The following UGT1A6 variants were observed in gnomAD, a reference collection of about 807,000 sequenced individuals.
UGT1A6 encodes the protein UDP-glucuronosyltransferase 1A6.
UGT1A6 carries 32 observed loss-of-function variants against 44.4 expected under a neutral mutation model. The ratio of observed to expected loss-of-function variants is 0.72; its 90% CI spans 0.54 to 0.97. The LOEUF (loss-of-function observed/expected upper bound fraction) is 0.97, where lower values mean the gene tolerates loss of function less well. Among genes scored for constraint, UGT1A6 ranks in the 50% least tolerant of loss-of-function variants. The pLI is 0.00. For missense variants in UGT1A6, 685 were observed against 661.9 expected (o/e 1.03, Z -0.38); for synonymous variants, 238 against 248.5 (o/e 0.96, Z 0.40).
chr2:233,747,876 T>C, intron 1 of UGT1A6: 1 of 1,613,612 alleles, frequency 6.2e-7, no homozygotes, highest in South Asian at 1.1e-5. Context: ...GGCCCTGTCC[T>C]ACCTTTGCCA....
intron 1 of UGT1A6, chr2:233,713,534 C>T (rs1306966284): frequency 6.2e-7 from 1 of 1,613,828 alleles, no homozygotes; most frequent in African/African-American, 1.3e-5. Flanking sequence ...GTGATTTAGA[C>T]TTTAAGGGCA....
chr2:233,716,641 A>C (rs1322412642), intron 1 of UGT1A6, among the ~76,000 whole-genome samples: 1 of 152,130 alleles, frequency 6.6e-6, no homozygotes, highest in Non-Finnish European at 1.5e-5. Context: ...TATCGTTTGT[A>C]CTTTTTGTAC....
chr2:233,723,050 G>T (rs1208688068), intron 1 of UGT1A6, among the ~76,000 whole-genome samples: 1 of 140,678 alleles, frequency 7.1e-6, no homozygotes, highest in African/African-American at 2.7e-5. Flanking sequence ...AGGCACACTC[G>T]GTGTAACTTT....
intron 1 of UGT1A6, among the ~76,000 whole-genome samples, chr2:233,741,289 C>T (rs1426426367): frequency 2.6e-5 from 4 of 151,770 alleles, no homozygotes; most frequent in African/African-American, 7.3e-5. Context: ...GATTTATGTA[C>T]CCAATTGTGT....
intron 1 of UGT1A6, among the ~76,000 whole-genome samples, chr2:233,704,447 T>C (rs2075789170): frequency 6.6e-6 from 1 of 152,328 alleles, no homozygotes; most frequent in African/African-American, 2.4e-5. Context: ...TGAAATGTCA[T>C]TCCTATATAG....
At chr2:233,696,174 A>G (rs1477446914) in intron 1 of UGT1A6, among the ~76,000 whole-genome samples, 1 of 152,242 alleles carries the variant, frequency 6.6e-6, no homozygotes, top group African/African-American at 2.4e-5. Flanking sequence ...AAAAATATAT[A>G]TTGAAGAGCT....
At chr2:233,696,620 T>C (rs1575459167) in intron 1 of UGT1A6, among the ~76,000 whole-genome samples, 1 of 146,384 alleles carries the variant, frequency 6.8e-6, no homozygotes, top group Non-Finnish European at 1.5e-5. Flanking sequence ...CTTTCTTTCT[T>C]TCTCTTGCTT....
chr2:233,754,621 C>T (rs773983465), intron 1 of UGT1A6: 4 of 441,750 alleles, frequency 9.1e-6, no homozygotes, highest in South Asian at 6.4e-5. Flanking sequence ...TCTTCCTCCA[C>T]TTCCACCCTT....
chr2:233,705,870 T>G (rs2075876544), intron 1 of UGT1A6, among the ~76,000 whole-genome samples: 1 of 152,102 alleles, frequency 6.6e-6, no homozygotes, highest in Non-Finnish European at 1.5e-5. Context: ...GGCAGATCAC[T>G]TGAGGCCAGG....
intron 1 of UGT1A6, among the ~76,000 whole-genome samples, chr2:233,745,546 A>G (rs1693142103): frequency 6.6e-6 from 1 of 151,692 alleles, no homozygotes. Flanking sequence ...CACCAGAACA[A>G]ACTTCTAAGT....
At chr2:233,721,730 G>T (rs1364085120) in intron 1 of UGT1A6, 2 of 416,714 alleles carry the variant, frequency 4.8e-6, no homozygotes, top group South Asian at 3.7e-5. Flanking sequence ...ACTTGGATAA[G>T]CTTAATGATG....
intron 1 of UGT1A6, among the ~76,000 whole-genome samples, chr2:233,763,564 T>C (rs1698345105): frequency 6.6e-6 from 1 of 152,236 alleles, no homozygotes; most frequent in Non-Finnish European, 1.5e-5. Context: ...AAGTTACTGT[T>C]CTTATTTTCT....
Position 233,768,265 on chromosome 2 carries a change from G to T in UGT1A6, c.1127G>T (p.Gly376Val), listed in dbSNP as rs1283652721. Residue 376 changes from glycine to valine, a missense_variant, in exon 4 of 5, where the codon GGT becomes GTT. By Grantham distance (109) the Gly-to-Val change is moderately radical. Transcript: ENST00000305139. The part of the protein sequence containing the change: ...RAFITHAGSH[G>V]VYESICNGVP... ...TTTATCACCCATGCTGGTTCCCATGGTGTTTATGAAAGCATATGCAATGGC... is the reference window on the plus strand; with the variant it reads ...TTTATCACCCATGCTGGTTCCCATGTTGTTTATGAAAGCATATGCAATGGC... 5.0e-6 allele frequency: 8 copies of T among 1,614,030 alleles called. No individual in the cohort carries two copies. The highest frequency in any genetic ancestry group is 6.8e-6 in the Non-Finnish European group (8 of 1,180,030).
chr2:233,735,509 C>A lies in UGT1A6; in HGVS notation c.862-31525C>A, dbSNP rs185084136. Among the ~76,000 whole-genome samples the A allele has an allele frequency of 5.3e-4, 81 of 152,270 alleles. No homozygotes were observed. The East Asian group carries it at 0.013, about 24-fold the overall frequency. On this transcript the variant is annotated intron_variant, in intron 1 of 4. Coordinates refer to ENST00000305139, the MANE Select transcript of UGT1A6 (RefSeq NM_001072.4). ...TTAATTGCAGCATTTAGCCCATTTA[C>A]ATTTAAGGTAAATATTGTTATGAGT...
intron 1 of UGT1A6, among the ~76,000 whole-genome samples, chr2:233,694,879 G>T (rs1427044787): frequency 6.6e-6 from 1 of 152,168 alleles, no homozygotes; most frequent in Non-Finnish European, 1.5e-5. Context: ...GTACACATTT[G>T]GGGGGTTCAT....
At chr2:233,710,507 A>G (rs576426640) in intron 1 of UGT1A6, among the ~76,000 whole-genome samples, 1 of 152,168 alleles carries the variant, frequency 6.6e-6, no homozygotes, top group Non-Finnish European at 1.5e-5. Flanking sequence ...CATTCCTCTT[A>G]TGACTGATGA....
chr2:233,755,073 T>A (rs764125289), intron 1 of UGT1A6: 1 of 1,336,212 alleles, frequency 7.5e-7, no homozygotes, highest in East Asian at 4.6e-5. Flanking sequence ...GCCATAGCGG[T>A]CATAGATATC....
chr2:233,714,306 TAGAG>T (rs2076379080), intron 1 of UGT1A6, among the ~76,000 whole-genome samples: 3 of 152,124 alleles, frequency 2.0e-5, no homozygotes, highest in African/African-American at 7.2e-5. Context: ...TTGCAAAAGA[TAGAG>T]AGGTGACCAC....
At chr2:233,740,302 A>C (rs564436017) in intron 1 of UGT1A6, among the ~76,000 whole-genome samples, 20 of 152,050 alleles carry the variant, frequency 1.3e-4, no homozygotes, top group Non-Finnish European at 2.5e-4. Flanking sequence ...GGAGAGTCTG[A>C]GAAAAGGAAA....
Sources: allele counts gnomAD v4.1 joint callset (sites outside exome capture counted in the v4.1 genomes callset), GRCh38; gene constraint gnomAD v4.1.1; transcripts MANE v1.5; gene names NCBI Gene and HGNC (gene_info 2026-07-23, HGNC 2026-07-21).